The following SFRP1 variants were observed in gnomAD, a reference collection of about 807,000 sequenced individuals.
SFRP1 encodes the protein secreted frizzled related protein 1.
In SFRP1, 9 loss-of-function variants were observed where a neutral mutation model predicts 25.9. The observed-to-expected ratio is 0.35, with a 90% CI of 0.21 to 0.61. The LOEUF is 0.61. Ranked by LOEUF, SFRP1 falls within the 20% of genes least tolerant of loss-of-function variation. SFRP1 has a pLI of 0.78. For synonymous variants in SFRP1, 178 were observed against 174.0 expected (o/e 1.02, Z -0.18); for missense variants, 346 against 418.2 (o/e 0.83, Z 1.51).
intron 2 of SFRP1, among the ~76,000 whole-genome samples, chr8:41,290,886 CTTTT>C (rs561965318): frequency 1.9e-5 from 1 of 53,874 alleles, no homozygotes; most frequent in African/African-American, 6.1e-5. Flanking sequence ...TCTTCCTCGT[CTTTT>C]TTTTTTTTTT....
At chr8:41,277,876 G>A (rs983713483) in intron 2 of SFRP1, among the ~76,000 whole-genome samples, 1 of 152,178 alleles carries the variant, frequency 6.6e-6, no homozygotes. Context: ...CTCTCAAAGT[G>A]CCAGAATTAC....
chr8:41,299,704 C>T (rs539673590), intron 2 of SFRP1, among the ~76,000 whole-genome samples: 1 of 149,956 alleles, frequency 6.7e-6, no homozygotes, highest in South Asian at 2.1e-4. Context: ...CCACGTCCCA[C>T]ATCCCCTGTC....
intron 2 of SFRP1, chr8:41,271,080 G>A (rs79091838): frequency 0.016 from 2,507 of 154,142 alleles, 80 homozygotes; most frequent in African/African-American, 0.055. Context: ...AAGTAGTCAC[G>A]GTCTTTGCCA....
At chr8:41,281,319 T>C (rs1803633019) in intron 2 of SFRP1, among the ~76,000 whole-genome samples, 1 of 152,238 alleles carries the variant, frequency 6.6e-6, no homozygotes, top group South Asian at 2.1e-4. Context: ...TCGGGGGCCA[T>C]GCAGGCCCTT....
intron 2 of SFRP1, among the ~76,000 whole-genome samples, chr8:41,292,375 G>A (rs570004262): frequency 1.1e-4 from 17 of 152,246 alleles, no homozygotes; most frequent in African/African-American, 1.4e-4. Context: ...CTGTTCTCAC[G>A]AGAGTGAGTT....
chr8:41,304,664 A>G (rs921295586), intron 1 of SFRP1, among the ~76,000 whole-genome samples: 16 of 152,080 alleles, frequency 1.1e-4, no homozygotes, highest in Non-Finnish European at 1.0e-4. Context: ...CTCCCTCCCC[A>G]TCAGCCCCCC....
chr8:41,286,056 T>C (rs1803696994), intron 2 of SFRP1, among the ~76,000 whole-genome samples: 2 of 151,682 alleles, frequency 1.3e-5, no homozygotes, highest in African/African-American at 2.4e-5. Context: ...CAGAAGCTCA[T>C]AGTTGCCAGC....
chr8:41,306,596 C>T, intron 1 of SFRP1: 1 of 1,125,920 alleles, frequency 8.9e-7, no homozygotes, highest in Non-Finnish European at 1.2e-6. Flanking sequence ...GGTGGTGTGC[C>T]ATCTCAGGGC....
chr8:41,288,485 C>T (rs954634866), intron 2 of SFRP1, among the ~76,000 whole-genome samples: 1 of 133,024 alleles, frequency 7.5e-6, no homozygotes, highest in Non-Finnish European at 1.5e-5. Flanking sequence ...TGCACTGAGC[C>T]ATGATAGTGC....
Position 41,264,921 on chromosome 8 carries a change from A to G in SFRP1, c.*246T>C, listed in dbSNP as rs1016709954. On this transcript the variant is annotated 3_prime_UTR_variant, in exon 3 of 3. Transcript: ENST00000220772. ...TCCTGTGCAGTGGCTGCTGCTCCAC[A>G]TTGCGGATCTTAAAAACCTTCCTAA... is the stretch of plus-strand genomic sequence containing the variant. 1 of 467,930 alleles carries G rather than the reference A, an allele frequency of 2.1e-6. No individual in the cohort carries two copies. The highest frequency in any genetic ancestry group is 3.8e-6 in the Non-Finnish European group (1 of 264,356). The allele number at this position is 467,930 out of a possible 1,614,324, so 29.0% of individuals were successfully genotyped here.
chr8:41,267,095 C>A (rs1455541810), intron 2 of SFRP1, among the ~76,000 whole-genome samples: 1 of 152,202 alleles, frequency 6.6e-6, no homozygotes, highest in African/African-American at 2.4e-5. Context: ...GACTTTCTGG[C>A]AGATTAGAGC....
At chr8:41,280,102 G>A (rs1031290706) in intron 2 of SFRP1, among the ~76,000 whole-genome samples, 6 of 152,086 alleles carry the variant, frequency 3.9e-5, no homozygotes, top group Admixed American at 2.6e-4. Flanking sequence ...CACCTTCCCC[G>A]GCATAAGATG....
At chr8:41,291,620 T>C (rs1408464904) in intron 2 of SFRP1, among the ~76,000 whole-genome samples, 1 of 152,100 alleles carries the variant, frequency 6.6e-6, no homozygotes, top group Non-Finnish European at 1.5e-5. Flanking sequence ...ATCACGGGCA[T>C]CTCTGCATCC....
At chr8:41,278,723 C>T (rs1471319718) in intron 2 of SFRP1, among the ~76,000 whole-genome samples, 1 of 152,190 alleles carries the variant, frequency 6.6e-6, no homozygotes, top group African/African-American at 2.4e-5. Flanking sequence ...AGCTCAAAGA[C>T]AGCCCCGGAA....
intron 1 of SFRP1, among the ~76,000 whole-genome samples, chr8:41,304,598 T>A (rs1803970146): frequency 6.6e-6 from 1 of 152,002 alleles, no homozygotes; most frequent in South Asian, 2.1e-4. Flanking sequence ...TGGGGCTTGG[T>A]GTGCTTGGAG....
At chr8:41,301,582 A>G (rs915553869) in intron 2 of SFRP1, among the ~76,000 whole-genome samples, 3 of 152,252 alleles carry the variant, frequency 2.0e-5, no homozygotes, top group East Asian at 1.9e-4. Context: ...TCCGTGGCAG[A>G]GCCCAGCGGC....
At chr8:41,302,945 C>T (rs1057260981) in intron 2 of SFRP1, among the ~76,000 whole-genome samples, 1 of 151,888 alleles carries the variant, frequency 6.6e-6, no homozygotes, top group Non-Finnish European at 1.5e-5. Flanking sequence ...ATGAGGACCC[C>T]CACTCTGAAT....
chr8:41,288,530 C>CAAAAA (rs397893046), intron 2 of SFRP1, among the ~76,000 whole-genome samples: 4 of 39,088 alleles, frequency 1.0e-4, no homozygotes, highest in Non-Finnish European at 1.9e-4. Context: ...AGACCCTGTC[C>CAAAAA]AAAAAAAAAA....
chr8:41,302,829 C>T (rs541203767), intron 2 of SFRP1, among the ~76,000 whole-genome samples: 49 of 151,824 alleles, frequency 3.2e-4, no homozygotes, highest in African/African-American at 1.0e-3. Flanking sequence ...CCTGGAGCTG[C>T]GAGTGCTGGT....
Sources: allele counts gnomAD v4.1 joint callset (sites outside exome capture counted in the v4.1 genomes callset), GRCh38; gene constraint gnomAD v4.1.1; transcripts MANE v1.5; gene names NCBI Gene and HGNC (gene_info 2026-07-23, HGNC 2026-07-21).